GPR132: variants seen among roughly 807,000 people sequenced by gnomAD.
GPR132 encodes the protein probable G protein-coupled receptor 132.
In GPR132, 4 loss-of-function variants were observed where a neutral mutation model predicts 1.9. The observed-to-expected ratio is 2.13, with a 90% CI of 1.05 to 4.87. The LOEUF is 4.87. Among genes scored for constraint, GPR132 ranks in the 30% most tolerant of loss-of-function variants. The pLI, the probability that GPR132 is intolerant of heterozygous loss-of-function variation, is 0.01. For synonymous variants in GPR132, 233 were observed against 234.2 expected (o/e 0.99, Z 0.05); for missense variants, 404 against 512.5 (o/e 0.79, Z 2.04).
chr14:105,061,032 G>A (rs929461168), intron 1 of GPR132, among the ~76,000 whole-genome samples: 20 of 152,356 alleles, frequency 1.3e-4, no homozygotes, highest in Non-Finnish European at 2.5e-4. Context: ...AGCTGCTGAC[G>A]TCCAGATCCC....
At chr14:105,057,123 T>C (rs1277346123) in intron 2 of GPR132, 44 bp downstream of exon 2, 5 of 1,484,580 alleles carry the variant, frequency 3.4e-6, no homozygotes, top group African/African-American at 1.4e-5. Flanking sequence ...AAAATTCTCA[T>C]GGGCTTCCTC....
chr14:105,064,114 C>A (rs1663550589), intron 1 of GPR132, among the ~76,000 whole-genome samples: 1 of 152,210 alleles, frequency 6.6e-6, no homozygotes, highest in African/African-American at 2.4e-5. Flanking sequence ...GCTGGGATTA[C>A]AGGCGTAAGC....
chr14:105,054,276 C>T (rs1420391152), intron 3 of GPR132: 1 of 1,118,396 alleles, frequency 8.9e-7, no homozygotes, highest in Non-Finnish European at 1.1e-6. Context: ...CACTGTCCAG[C>T]CCGCTGGCCT....
Position 105,049,858 on chromosome 14 carries a change from C to T in GPR132, c.*1136G>A, listed in dbSNP as rs1186087194. On this transcript the variant is annotated 3_prime_UTR_variant, in exon 4 of 4. Coordinates refer to ENST00000329797, the MANE Select transcript of GPR132 (RefSeq NM_013345.4). ...GCAACTGCATAGCTGCCTGACAAAA[C>T]GAGAGCGTGGCTCAGCCCCACGGCC... is the stretch of plus-strand genomic sequence containing the variant. The T allele has an allele frequency of 6.6e-6, 1 of 152,388 alleles. No homozygotes were observed. The highest frequency in any genetic ancestry group is 1.5e-5 in the Non-Finnish European group (1 of 68,158). The allele number at this position is 152,388 out of a possible 1,614,324, so 9.4% of individuals were successfully genotyped here. A position where few individuals can be genotyped will look rare whatever the true frequency, so the allele number is the denominator to read the frequency against.
intron 1 of GPR132, among the ~76,000 whole-genome samples, chr14:105,064,504 T>C (rs1271015185): frequency 6.6e-6 from 1 of 152,054 alleles, no homozygotes; most frequent in Non-Finnish European, 1.5e-5. Context: ...CGGCTAATTT[T>C]TGTATTTTTA....
At position 105,055,813 on chromosome 14, in the gene GPR132, C is replaced by A. The variant is rs1006811623; in HGVS notation, c.-393G>T. 5.4e-6 allele frequency: 1 copy of A among 184,030 alleles called. No homozygotes were observed. Among genetic ancestry groups the A allele is most frequent in the South Asian group, 1.6e-4 (1 of 6,100 alleles). The allele number at this position is 184,030 out of a possible 1,614,324, so 11.4% of individuals were successfully genotyped here. A position where few individuals can be genotyped will look rare whatever the true frequency, so the allele number is the denominator to read the frequency against. On this transcript the variant is annotated 5_prime_UTR_variant, in exon 3 of 4. Coordinates refer to ENST00000329797, the MANE Select transcript of GPR132 (RefSeq NM_013345.4). This position sits in a 1 kb window ranked among gnomAD's most constrained non-coding sequence, Gnocchi z 4.7. ...CCCTTCCATCTTGAGCAATCCTGCA[C>A]GTGTGGCGTGTGGCGTGTGGCGTGT... is the stretch of plus-strand genomic sequence containing the variant.
At position 105,051,711 on chromosome 14, in the gene GPR132, CACGAA is replaced by C. The variant is rs1301810672; in HGVS notation, c.421_425del (p.Phe141GlyfsTer46). The C allele has an allele frequency of 6.2e-7, 1 of 1,614,074 alleles. No individual in the cohort carries two copies. The highest frequency in any genetic ancestry group is 1.7e-5 in the Admixed American group (1 of 60,026). On this transcript the variant is annotated frameshift_variant, in exon 4 of 4. Transcript: ENST00000329797. LOFTEE classifies it low-confidence loss of function (END_TRUNC). The surrounding 1 kb of genome is among the most constrained non-coding windows in gnomAD (Gnocchi z 8.0). ...GACTCTCCAGCGCGTACACCACGGC[CACGAA>C]GCGGTCGCAGGAGATGCAGCACAGG... is the stretch of plus-strand genomic sequence containing the variant.
At chr14:105,064,378 G>A (rs981541175) in intron 1 of GPR132, among the ~76,000 whole-genome samples, 1 of 151,976 alleles carries the variant, frequency 6.6e-6, no homozygotes. Flanking sequence ...GTGTTGCCCA[G>A]GCTAGAGTGC....
At position 105,056,239 on chromosome 14, in the gene GPR132, G is replaced by A. The variant is rs1409815629; in HGVS notation, c.-746-73C>T. On this transcript the variant is annotated intron_variant, in intron 2 of 3. Transcript: ENST00000329797. This position sits in a 1 kb window ranked among gnomAD's most constrained non-coding sequence, Gnocchi z 6.0. ...TTGTCACCACTTCGCCCAAGACACA[G>A]GCCTGTGGCGGGCGGCGGGGGGCAG... The A allele has an allele frequency of 1.1e-6, 1 of 912,064 alleles. No individual in the cohort carries two copies. Among genetic ancestry groups the A allele is most frequent in the Non-Finnish European group, 1.3e-6 (1 of 762,998 alleles). 56.5% of individuals were successfully genotyped at this position (912,064 alleles called of 1,614,324 possible).
Position 105,056,212 on chromosome 14 carries a change from A to G in GPR132, c.-746-46T>C, listed in dbSNP as rs938865866. The G allele has an allele frequency of 9.2e-6, 9 of 976,294 alleles. No homozygotes were observed. In the East Asian group the frequency reaches 9.2e-4, roughly 100 times the overall value. The allele number at this position is 976,294 out of a possible 1,614,324, so 60.5% of individuals were successfully genotyped here. ...GGTGTGACTGGGCTGCCTCACACTCAGTTGTCACCACTTCGCCCAAGACAC... is the reference window on the plus strand; with the variant it reads ...GGTGTGACTGGGCTGCCTCACACTCGGTTGTCACCACTTCGCCCAAGACAC... On this transcript the variant is annotated intron_variant, in intron 2 of 3. Coordinates refer to ENST00000329797, the MANE Select transcript of GPR132 (RefSeq NM_013345.4). This position sits in a 1 kb window ranked among gnomAD's most constrained non-coding sequence, Gnocchi z 6.0.
chr14:105,055,339 T>C lies in GPR132; in HGVS notation c.34+48A>G, dbSNP rs1886761419. On this transcript the variant is annotated intron_variant, in intron 3 of 3. Coordinates refer to ENST00000329797, the MANE Select transcript of GPR132 (RefSeq NM_013345.4). The surrounding 1 kb of genome is among the most constrained non-coding windows in gnomAD (Gnocchi z 4.7). The stretch of plus-strand genomic sequence containing the variant: ...GAGACTCAATCGCAAGAAAAAAAAA[T>C]TGAAAAAGTGGAAAATTGTGGCAAA... The C allele has an allele frequency of 1.3e-6, 1 of 779,942 alleles. No homozygotes were observed. Among genetic ancestry groups the C allele is most frequent in the African/African-American group, 1.7e-5 (1 of 59,028 alleles). 48.3% of individuals were successfully genotyped at this position (779,942 alleles called of 1,614,324 possible). A position where few individuals can be genotyped will look rare whatever the true frequency, so the allele number is the denominator to read the frequency against.
chr14:105,056,636 C>A lies in GPR132; in HGVS notation c.-746-470G>T, dbSNP rs1051529399. Among the ~76,000 whole-genome samples the A allele has an allele frequency of 6.6e-6, 1 of 152,240 alleles. No homozygotes were observed. Among genetic ancestry groups the A allele is most frequent in the Non-Finnish European group, 1.5e-5 (1 of 68,052 alleles). Reference sequence around the variant, plus strand: ...GCCTCGGTGCCCCTCAGTCCCGCACCCCCTGCTCCAGGCCTCACGCAGCCT... The same window carrying A: ...GCCTCGGTGCCCCTCAGTCCCGCACACCCTGCTCCAGGCCTCACGCAGCCT... On this transcript the variant is annotated intron_variant, in intron 2 of 3. Transcript: ENST00000329797. The surrounding 1 kb of genome is among the most constrained non-coding windows in gnomAD (Gnocchi z 6.0).
rs141844435 is a variant in GPR132, at chr14:105,065,090, T to A, written c.-861+289A>T. Among the ~76,000 whole-genome samples the A allele has an allele frequency of 2.0e-3, 301 of 152,160 alleles. 6 individuals carry two copies. The East Asian group carries it at 0.048, about 24-fold the overall frequency. On this transcript the variant is annotated intron_variant, in intron 1 of 3. Coordinates refer to ENST00000329797, the MANE Select transcript of GPR132 (RefSeq NM_013345.4). Reference sequence around the variant, plus strand: ...TCTGGACCAGTAGCCAGGGAAGCCTTTTCCAGAAGAAAGTCTCCAGGAAGG... The same window carrying A: ...TCTGGACCAGTAGCCAGGGAAGCCTATTCCAGAAGAAAGTCTCCAGGAAGG...
Position 105,049,407 on chromosome 14 carries a change from A to C in GPR132, c.*1587T>G, listed in dbSNP as rs947690713. ...TTAACTGTGAAGGTTAAATTGCATT[A>C]TTTCTTTTATTTTTATGATTTTTTT... On this transcript the variant is annotated 3_prime_UTR_variant, in exon 4 of 4. Coordinates refer to ENST00000329797, the MANE Select transcript of GPR132 (RefSeq NM_013345.4). 6.6e-6 allele frequency: 1 copy of C among 152,112 alleles called. No individual in the cohort carries two copies. Among genetic ancestry groups the C allele is most frequent in the Non-Finnish European group, 1.5e-5 (1 of 68,026 alleles). 9.4% of individuals were successfully genotyped at this position (152,112 alleles called of 1,614,324 possible).
Position 105,059,060 on chromosome 14 carries a change from G to A in GPR132, c.-860-1780C>T, listed in dbSNP as rs1886873865. On this transcript the variant is annotated intron_variant, in intron 1 of 3. Transcript: ENST00000329797. The surrounding 1 kb of genome is among the most constrained non-coding windows in gnomAD (Gnocchi z 4.2). Reference sequence around the variant, plus strand: ...CCCAACCCCCACCCCATGCTGCCTGGTGCTGCCCTCTATCAGCCGAGACCC... The same window carrying A: ...CCCAACCCCCACCCCATGCTGCCTGATGCTGCCCTCTATCAGCCGAGACCC... 6.6e-6 allele frequency among the ~76,000 whole-genome samples: 1 copy of A among 152,316 alleles called. No individual in the cohort carries two copies. The highest frequency in any genetic ancestry group is 1.9e-4 in the East Asian group (1 of 5,180).
In GPR132 at chr14:105,055,246, G is replaced by A. The variant is rs1272826780; in HGVS notation, c.34+141C>T. The A allele has an allele frequency of 9.6e-6, 7 of 731,186 alleles. No individual in the cohort carries two copies. Among genetic ancestry groups the A allele is most frequent in the Non-Finnish European group, 1.8e-5 (7 of 388,866 alleles). The allele number at this position is 731,186 out of a possible 1,614,324, so 45.3% of individuals were successfully genotyped here. A position where few individuals can be genotyped will look rare whatever the true frequency, so the allele number is the denominator to read the frequency against. Reference sequence around the variant, plus strand: ...GGAGGCTGATGCAGGAGAATCCCTTGAACCTGGGAGGCAGAAGCTGCAGTG... The same window carrying A: ...GGAGGCTGATGCAGGAGAATCCCTTAAACCTGGGAGGCAGAAGCTGCAGTG... On this transcript the variant is annotated intron_variant, in intron 3 of 3. Coordinates refer to ENST00000329797, the MANE Select transcript of GPR132 (RefSeq NM_013345.4). This position sits in a 1 kb window ranked among gnomAD's most constrained non-coding sequence, Gnocchi z 4.7.
rs373957091 is a variant in GPR132 at position 105,051,998 on chromosome 14, C to T, written c.139G>A (p.Val47Met). The change falls in exon 4 of 4, where the codon GTG becomes ATG. Residue 47 changes from valine to methionine, a missense_variant. Coordinates refer to ENST00000329797, the MANE Select transcript of GPR132 (RefSeq NM_013345.4). The surrounding 1 kb of genome is among the most constrained non-coding windows in gnomAD (Gnocchi z 8.0). ...AGCGTGCACACCGCGCTGTACACCA[C>T]GACCAGGACTATCCTGCTCTCTTCG... The part of the protein sequence containing the change: ...SFEESRIVLV[V>M]VYSAVCTLGV... The T allele has an allele frequency of 1.9e-6, 3 of 1,612,718 alleles. No homozygotes were observed. The highest frequency in any genetic ancestry group is 2.5e-6 in the Non-Finnish European group (3 of 1,179,954).
chr14:105,064,358 C>T (rs1054508890), intron 1 of GPR132, among the ~76,000 whole-genome samples: 3 of 151,446 alleles, frequency 2.0e-5, no homozygotes, highest in African/African-American at 7.3e-5. Context: ...TTATTTTTCC[C>T]AATTTGATAG....
intron 1 of GPR132, among the ~76,000 whole-genome samples, chr14:105,063,749 G>C (rs1887011088): frequency 6.6e-6 from 1 of 152,232 alleles, no homozygotes. Context: ...CCCCTGCCAT[G>C]TGCAGGGAGC....
Sources: gnomAD v4.1 joint callset for allele counts (sites outside exome capture counted in the v4.1 genomes callset) on GRCh38, gnomAD v4.1.1 for gene constraint, Gnocchi (gnomAD v3.1) non-coding constraint, MANE v1.5 for transcripts, NCBI Gene and HGNC (gene_info 2026-07-23, HGNC 2026-07-21) for gene names.